TFAP2A: variants seen among roughly 807,000 people sequenced by gnomAD.
TFAP2A encodes the protein transcription factor AP-2 alpha, also known as transcription factor AP-2-alpha.
In TFAP2A, 7 loss-of-function variants were observed where a neutral mutation model predicts 41.5. The ratio of observed to expected loss-of-function variants is 0.17; its 90% CI spans 0.10 to 0.32. The LOEUF is 0.32. TFAP2A is among the 10% of genes least tolerant of loss of function. The pLI, the probability that TFAP2A is intolerant of heterozygous loss-of-function variation, is 1.00. For missense variants in TFAP2A, 416 were observed against 563.3 expected (o/e 0.74, Z 2.65); for synonymous variants, 247 against 242.8 (o/e 1.02, Z -0.16).
chr6:10,398,644 G>T lies in TFAP2A; in HGVS notation c.1093C>A (p.Arg365=). Residue 365 remains arginine, a synonymous_variant, in exon 7 of 7, where the codon CGG becomes AGG. Transcript: ENST00000379613. This position sits in a 1 kb window ranked among gnomAD's most constrained non-coding sequence, Gnocchi z 5.3. ...AQDRSPLGNS[R]PNPILEPGIQ... ...CCGGGCTCCAGGATGGGGTTGGGCC[G>T]TGAGTTCCCCAGGGGAGATCGGTCC... is the stretch of plus-strand genomic sequence containing the variant. 6.2e-7 allele frequency: 1 copy of T among 1,614,198 alleles called. No homozygotes were observed. Among genetic ancestry groups the T allele is most frequent in the South Asian group, 1.1e-5 (1 of 91,084 alleles).
chr6:10,415,172 G>A (rs896328752), upstream of TFAP2A: 2 of 1,507,556 alleles, frequency 1.3e-6, no homozygotes. Flanking sequence ...AGGAAGAGGA[G>A]GGCGAGGAGG....
At chr6:10,406,879 T>C (rs376291404) in intron 2 of TFAP2A, 35 bp from the exon 3 acceptor site, 24 of 1,549,448 alleles carry the variant, frequency 1.5e-5, no homozygotes, top group Non-Finnish European at 2.0e-5. Flanking sequence ...TGTAAGTGTA[T>C]CATCAAAACA....
At position 10,409,940 on chromosome 6, in the gene TFAP2A, G is replaced by A. The variant is rs1757881231; in HGVS notation, c.447C>T (p.Leu149=). ...TGGCGTGAGGTAAGGAGTGGATCGAGAGGTCTCCGAGTCCTGAGCTGAGCG... is the reference window on the plus strand; with the variant it reads ...TGGCGTGAGGTAAGGAGTGGATCGAAAGGTCTCCGAGTCCTGAGCTGAGCG... ...PHALSSGLGD[L]SIHSLPHAIE... Residue 149 remains leucine, a synonymous_variant, in exon 2 of 7, where the codon CTC becomes CTT. Coordinates refer to ENST00000379613, the MANE Select transcript of TFAP2A (RefSeq NM_001372066.1). 1.3e-6 allele frequency: 2 copies of A among 1,558,914 alleles called. No individual in the cohort carries two copies. Among genetic ancestry groups the A allele is most frequent in the Non-Finnish European group, 1.7e-6 (2 of 1,151,176 alleles).
intron 6 of TFAP2A, among the ~76,000 whole-genome samples, 180 bp downstream of exon 6, chr6:10,400,268 G>A (rs975906699): frequency 4.0e-5 from 6 of 150,430 alleles, no homozygotes; most frequent in South Asian, 4.2e-4. Context: ...AGATGGGAGC[G>A]CCCAAGAATC....
intron 1 of TFAP2A, 187 bp downstream of exon 1, chr6:10,414,754 G>T: frequency 2.6e-6 from 2 of 780,222 alleles, no homozygotes; most frequent in Non-Finnish European, 4.3e-6. Context: ...AAAGAAGGGA[G>T]CATCCACGTC....
In TFAP2A at chr6:10,400,781, GACC is replaced by G. The variant is rs745320044; in HGVS notation, c.890-195_890-193del. Reference sequence around the variant, plus strand: ...GGTGGATGCATTTATCAGGAAAAATGACCACTTCTCCTAGAGGGCCAAGAAGAC... The same window carrying G: ...GGTGGATGCATTTATCAGGAAAAATGACTTCTCCTAGAGGGCCAAGAAGAC... On this transcript the variant is annotated intron_variant, in intron 5 of 6. Transcript: ENST00000379613. 9 of 745,160 alleles carry G rather than the reference GACC, an allele frequency of 1.2e-5. No individual in the cohort carries two copies. In the Middle Eastern group the frequency reaches 6.8e-4, roughly 56 times the overall value. 46.2% of individuals were successfully genotyped at this position (745,160 alleles called of 1,614,324 possible). A position where few individuals can be genotyped will look rare whatever the true frequency, so the allele number is the denominator to read the frequency against.
chr6:10,398,219 G>A lies in TFAP2A; in HGVS notation c.*198C>T. 3 of 1,476,266 alleles carry A rather than the reference G, an allele frequency of 2.0e-6. No individual in the cohort carries two copies. Among genetic ancestry groups the A allele is most frequent in the Non-Finnish European group, 2.7e-6 (3 of 1,117,674 alleles). The allele number at this position is 1,476,266 out of a possible 1,614,324, so 91.4% of individuals were successfully genotyped here. Reference sequence around the variant, plus strand: ...AGGTCGAGGCGGGTGCAGAGTCGGAGAGGCTGCCCCACTGACAGTCGAGAG... The same window carrying A: ...AGGTCGAGGCGGGTGCAGAGTCGGAAAGGCTGCCCCACTGACAGTCGAGAG... On this transcript the variant is annotated 3_prime_UTR_variant, in exon 7 of 7. Coordinates refer to ENST00000379613, the MANE Select transcript of TFAP2A (RefSeq NM_001372066.1). The surrounding 1 kb of genome is among the most constrained non-coding windows in gnomAD (Gnocchi z 5.3).
chr6:10,403,541 G>A (rs540226447), intron 4 of TFAP2A, among the ~76,000 whole-genome samples: 3 of 152,186 alleles, frequency 2.0e-5, no homozygotes, highest in Non-Finnish European at 4.4e-5. Flanking sequence ...AAGGAACTGT[G>A]GGTCTATCAA....
At chr6:10,415,238 G>A (rs1758199948), upstream of TFAP2A, 2 of 1,453,818 alleles carry the variant, frequency 1.4e-6, no homozygotes, top group Non-Finnish European at 1.8e-6. Flanking sequence ...GAGCTCCCGT[G>A]TGCGCTCGGA....
At position 10,410,007 on chromosome 6, in the gene TFAP2A, C is replaced by T. The variant is rs1405346146; in HGVS notation, c.380G>A (p.Arg127Lys). Reference sequence around the variant, plus strand: ...GAGGTCCTCGTGCCGCCTGTAGTCCCTGCGAGGATCCAGGCCCGACAGCTG... The same window carrying T: ...GAGGTCCTCGTGCCGCCTGTAGTCCTTGCGAGGATCCAGGCCCGACAGCTG... ...PHQLSGLDPR[R>K]DYRRHEDLLH... The change falls in exon 2 of 7, where the codon AGG becomes AAG. Residue 127 changes from arginine to lysine, a missense_variant. Arg to Lys is a conservative substitution (Grantham distance 26, BLOSUM62 2). Coordinates refer to ENST00000379613, the MANE Select transcript of TFAP2A (RefSeq NM_001372066.1). 1 of 1,611,408 alleles carries T rather than the reference C, an allele frequency of 6.2e-7. No individual in the cohort carries two copies. The highest frequency in any genetic ancestry group is 1.7e-5 in the Admixed American group (1 of 59,630).
chr6:10,415,201 A>G, upstream of TFAP2A: 1 of 1,486,016 alleles, frequency 6.7e-7, no homozygotes, highest in Non-Finnish European at 8.9e-7. Context: ...GGCGAGGAGA[A>G]GGGCGAGGAG....
upstream of TFAP2A, among the ~76,000 whole-genome samples, chr6:10,417,377 C>T (rs1758285111): frequency 6.6e-6 from 1 of 152,244 alleles, no homozygotes; most frequent in African/African-American, 2.4e-5. Flanking sequence ...TTGGGACCTG[C>T]CGGCTCTGGA....
intron 1 of TFAP2A, chr6:10,412,151 C>G: frequency 2.0e-6 from 2 of 989,922 alleles, no homozygotes; most frequent in Non-Finnish European, 1.2e-6. Context: ...TGACGGGAGT[C>G]TCAGTGTAGC....
chr6:10,406,669 CTA>C (rs1271721160), intron 3 of TFAP2A, 122 bp downstream of exon 3: 1 of 830,042 alleles, frequency 1.2e-6, no homozygotes, highest in East Asian at 2.5e-5. Context: ...CTGTGCCTAT[CTA>C]TTTGCTAATT....
intron 6 of TFAP2A, among the ~76,000 whole-genome samples, chr6:10,399,563 T>C (rs1260460615): frequency 6.6e-6 from 1 of 152,122 alleles, no homozygotes; most frequent in Admixed American, 6.5e-5. Context: ...AGCAGCAGCC[T>C]GGCCTGGGGG....
chr6:10,401,734 T>C (rs934216329), intron 5 of TFAP2A, among the ~76,000 whole-genome samples: 16 of 152,302 alleles, frequency 1.1e-4, no homozygotes, highest in Admixed American at 5.9e-4. Context: ...AGGAGAGCTA[T>C]AGATTCATTC....
At chr6:10,411,552 G>C in intron 1 of TFAP2A, 1 of 1,613,924 alleles carries the variant, frequency 6.2e-7, no homozygotes, top group Non-Finnish European at 8.5e-7. Flanking sequence ...CAGCAACGGG[G>C]GTGGGGATGG....
intron 2 of TFAP2A, chr6:10,407,132 T>C: frequency 2.2e-6 from 1 of 462,902 alleles, no homozygotes; most frequent in Non-Finnish European, 3.9e-6. Context: ...AATCAAGTGT[T>C]GGAGCACCTA....
intron 2 of TFAP2A, among the ~76,000 whole-genome samples, chr6:10,408,347 AAGAGTGAGTATAC>A (rs1456888088): frequency 6.6e-6 from 1 of 152,196 alleles, no homozygotes; most frequent in African/African-American, 2.4e-5. Flanking sequence ...TTTTGCCACA[AAGAGTGAGTATAC>A]AGGTGTTAAG....
Sources: gnomAD v4.1 joint callset for allele counts (sites outside exome capture counted in the v4.1 genomes callset) on GRCh38, gnomAD v4.1.1 for gene constraint, Gnocchi (gnomAD v3.1) non-coding constraint, MANE v1.5 for transcripts, NCBI Gene and HGNC (gene_info 2026-07-23, HGNC 2026-07-21) for gene names.